DAB1: variants seen among roughly 807,000 people sequenced by gnomAD.
The protein encoded by DAB1 is disabled homolog 1.
A neutral mutation model predicts 64.6 loss-of-function variants in DAB1; 15 were observed. The ratio of observed to expected loss-of-function variants is 0.23; its 90% confidence interval spans 0.16 to 0.36. The LOEUF (loss-of-function observed/expected upper bound fraction) is 0.36. Among genes scored for constraint, DAB1 ranks in the 10% least tolerant of loss-of-function variants. The probability of loss-of-function intolerance (pLI) is 1.00; values close to 1 mark genes in which losing one functional copy is unlikely to be tolerated. For synonymous variants in DAB1, 235 were observed against 251.9 expected (o/e 0.93, Z 0.64); for missense variants, 596 against 706.7 (o/e 0.84, Z 1.78).
chr1:58,009,064 T>C (rs963873157), intron 5 of DAB1, among the ~76,000 whole-genome samples: 2 of 152,166 alleles, frequency 1.3e-5, no homozygotes, highest in African/African-American at 4.8e-5. Flanking sequence ...CCAGGAAATG[T>C]GCATACACAC....
intron 6 of DAB1, among the ~76,000 whole-genome samples, chr1:57,652,765 A>G (rs1338487486): frequency 1.3e-5 from 2 of 152,108 alleles, no homozygotes; most frequent in Non-Finnish European, 2.9e-5. Context: ...TGCATTCTCC[A>G]TTTTATCTTA....
chr1:57,338,328 T>G (rs561065370), intron 1 of DAB1, among the ~76,000 whole-genome samples: 2 of 152,196 alleles, frequency 1.3e-5, no homozygotes, highest in African/African-American at 4.8e-5. Context: ...TCCATTCCCC[T>G]TCTCTGCTTC....
At chr1:58,503,323 C>T (rs1645937601) in intron 3 of DAB1, among the ~76,000 whole-genome samples, 1 of 152,180 alleles carries the variant, frequency 6.6e-6, no homozygotes, top group Admixed American at 6.5e-5. Flanking sequence ...CAGTGATCCT[C>T]AGTACAAGTC....
chr1:58,448,754 T>G (rs1392325583), intron 3 of DAB1, among the ~76,000 whole-genome samples: 2 of 152,180 alleles, frequency 1.3e-5, no homozygotes, highest in African/African-American at 4.8e-5. Context: ...TCCCAGCTAC[T>G]GGAATTGAGG....
At chr1:58,129,034 ACCAGTT>A (rs1653334997) in intron 5 of DAB1, among the ~76,000 whole-genome samples, 1 of 141,172 alleles carries the variant, frequency 7.1e-6, no homozygotes, top group Non-Finnish European at 1.5e-5. Context: ...AAGGAATGGT[ACCAGTT>A]CCTCCTTGTA....
chr1:58,053,768 G>A (rs1436933547), intron 5 of DAB1, among the ~76,000 whole-genome samples: 2 of 152,186 alleles, frequency 1.3e-5, no homozygotes, highest in African/African-American at 4.8e-5. Flanking sequence ...TCCTAGTTAT[G>A]GCAGAGAACC....
chr1:58,103,472 A>G (rs1299172283), intron 5 of DAB1, among the ~76,000 whole-genome samples: 1 of 152,212 alleles, frequency 6.6e-6, no homozygotes, highest in African/African-American at 2.4e-5. Flanking sequence ...TTGTGGTTCA[A>G]TGAAGTCTAC....
At chr1:57,018,470 T>A (rs1278646206) in intron 11 of DAB1, among the ~76,000 whole-genome samples, 1 of 152,226 alleles carries the variant, frequency 6.6e-6, no homozygotes, top group African/African-American at 2.4e-5. Flanking sequence ...ATACTACAGT[T>A]AGAGAATTAT....
chr1:57,104,823 G>C (rs963987981), intron 4 of DAB1, among the ~76,000 whole-genome samples: 4 of 152,120 alleles, frequency 2.6e-5, no homozygotes, highest in African/African-American at 9.7e-5. Flanking sequence ...GGCAGTCTGG[G>C]ACAGTCATAA....
intron 4 of DAB1, among the ~76,000 whole-genome samples, chr1:58,289,249 C>A (rs984744945): frequency 1.3e-5 from 2 of 152,132 alleles, no homozygotes; most frequent in Non-Finnish European, 2.9e-5. Flanking sequence ...TGTACCTTTG[C>A]ATCAATCTAG....
chr1:57,639,490 G>A (rs1033437410), intron 7 of DAB1, among the ~76,000 whole-genome samples: 1 of 152,144 alleles, frequency 6.6e-6, no homozygotes, highest in Non-Finnish European at 1.5e-5. Flanking sequence ...GTTTTAAGCA[G>A]AGGAGTCGCC....
At chr1:57,232,083 G>T (rs1025335391) in intron 2 of DAB1, among the ~76,000 whole-genome samples, 1 of 152,144 alleles carries the variant, frequency 6.6e-6, no homozygotes, top group African/African-American at 2.4e-5. Flanking sequence ...CTGGGTTCTA[G>T]GCTCTCTTCC....
chr1:57,576,593 G>A (rs1186495100), intron 7 of DAB1, among the ~76,000 whole-genome samples: 2 of 152,178 alleles, frequency 1.3e-5, no homozygotes, highest in African/African-American at 4.8e-5. Flanking sequence ...TTCAGAGGGA[G>A]TGTGACCCTG....
intron 6 of DAB1, among the ~76,000 whole-genome samples, chr1:57,654,541 A>T (rs1646293399): frequency 6.6e-6 from 1 of 152,258 alleles, no homozygotes; most frequent in Non-Finnish European, 1.5e-5. Flanking sequence ...TTTCAATACC[A>T]ACTCTTATGT....
At chr1:57,079,231 A>G (rs981746601) in intron 4 of DAB1, among the ~76,000 whole-genome samples, 7 of 152,278 alleles carry the variant, frequency 4.6e-5, no homozygotes, top group Middle Eastern at 3.4e-3. Context: ...AATGCTGTTT[A>G]ATAAGATGGT....
chr1:57,329,800 T>C (rs1351237343), intron 1 of DAB1, among the ~76,000 whole-genome samples: 2 of 152,190 alleles, frequency 1.3e-5, no homozygotes, highest in African/African-American at 2.4e-5. Context: ...GCATTTAACT[T>C]TCTGAATAGT....
At chr1:57,104,573 G>A (rs1038382945) in intron 4 of DAB1, among the ~76,000 whole-genome samples, 2 of 152,136 alleles carry the variant, frequency 1.3e-5, no homozygotes, top group African/African-American at 2.4e-5. Flanking sequence ...ATATTTCAGG[G>A]AGACTGTGTA....
At chr1:58,063,052 C>G (rs2086148993) in intron 5 of DAB1, among the ~76,000 whole-genome samples, 1 of 152,200 alleles carries the variant, frequency 6.6e-6, no homozygotes, top group African/African-American at 2.4e-5. Flanking sequence ...AGGCACTGCT[C>G]AGGAATAAGC....
chr1:57,780,626 A>G (rs1323829), intron 6 of DAB1, among the ~76,000 whole-genome samples: 77,407 of 151,966 alleles, frequency 0.51, 20,563 homozygotes, highest in South Asian at 0.64. Context: ...AAAATTTGTC[A>G]ATATTTTGAA....
Sources: gnomAD v4.1 joint callset for allele counts (sites outside exome capture counted in the v4.1 genomes callset) on GRCh38, gnomAD v4.1.1 for gene constraint, MANE v1.5 for transcripts, NCBI Gene and HGNC (gene_info 2026-07-23, HGNC 2026-07-21) for gene names.